Variants in RAB11FIP4 observed in about 807,000 individuals in gnomAD.
RAB11FIP4 encodes rab11 family-interacting protein 4.
In RAB11FIP4, 23 loss-of-function variants were observed where a neutral mutation model predicts 74.3. The observed-to-expected ratio is 0.31, with a 90% CI of 0.22 to 0.44. The LOEUF is 0.44. Ranked by LOEUF, RAB11FIP4 falls within the 20% of genes least tolerant of loss-of-function variation. The pLI is 1.00. For missense variants in RAB11FIP4, 630 were observed against 863.9 expected (o/e 0.73, Z 3.39); for synonymous variants, 360 against 359.9 (o/e 1.00, Z 0.00).
chr17:31,511,302 C>G (rs902826304), intron 3 of RAB11FIP4, among the ~76,000 whole-genome samples: 10 of 152,204 alleles, frequency 6.6e-5, no homozygotes, highest in African/African-American at 2.4e-4. Flanking sequence ...CCTCATGACA[C>G]AAGGCATTGT....
intron 1 of RAB11FIP4, among the ~76,000 whole-genome samples, chr17:31,419,515 G>C (rs2071178842): frequency 6.7e-6 from 1 of 150,288 alleles, no homozygotes; most frequent in South Asian, 2.1e-4. Context: ...CATTGCATCT[G>C]TGTTCATGAG....
intron 3 of RAB11FIP4, among the ~76,000 whole-genome samples, chr17:31,483,963 T>G (rs539218979): frequency 8.1e-4 from 123 of 152,104 alleles, no homozygotes; most frequent in African/African-American, 2.7e-3. Context: ...AATCCCAGCA[T>G]TTTGGGAAGC....
At chr17:31,401,731 C>T (rs898845204) in intron 1 of RAB11FIP4, among the ~76,000 whole-genome samples, 2 of 152,226 alleles carry the variant, frequency 1.3e-5, no homozygotes, top group Admixed American at 6.5e-5. Flanking sequence ...ACAGGATAGA[C>T]AGAGGATTGA....
At chr17:31,396,201 A>G (rs1457291083) in intron 1 of RAB11FIP4, among the ~76,000 whole-genome samples, 7 of 109,016 alleles carry the variant, frequency 6.4e-5, no homozygotes, top group African/African-American at 1.8e-4. Flanking sequence ...AAAAAAAGAA[A>G]AGAAAAGAAA....
intron 1 of RAB11FIP4, among the ~76,000 whole-genome samples, chr17:31,392,999 AG>A (rs112601827): frequency 0.016 from 2,479 of 152,330 alleles, 69 homozygotes; most frequent in African/African-American, 0.055. Flanking sequence ...AGGTCGGACC[AG>A]GCATTTCAGA....
At chr17:31,438,995 T>C (rs2151630591) in intron 3 of RAB11FIP4, among the ~76,000 whole-genome samples, 1 of 152,310 alleles carries the variant, frequency 6.6e-6, no homozygotes, top group South Asian at 2.1e-4. Context: ...GAAGCCTCCC[T>C]GACTCCTTCT....
intron 3 of RAB11FIP4, among the ~76,000 whole-genome samples, chr17:31,472,611 G>A (rs983604831): frequency 3.3e-5 from 5 of 152,208 alleles, no homozygotes; most frequent in Admixed American, 1.3e-4. Flanking sequence ...AGTCAGTAGC[G>A]CCCATGCTGA....
rs2072479717 is a variant in RAB11FIP4 at position 31,512,974 on chromosome 17, T to A, written c.337-4677T>A. 1.3e-5 allele frequency among the ~76,000 whole-genome samples: 2 copies of A among 151,948 alleles called. No individual in the cohort carries two copies. Among genetic ancestry groups the A allele is most frequent in the Non-Finnish European group, 2.9e-5 (2 of 67,952 alleles). ...AAACATGAGCTCTGGGGAGGCCCTG[T>A]CCCTGCCCCACCACTCCTGCCAGCC... On this transcript the variant is annotated intron_variant, in intron 3 of 14. Transcript: ENST00000621161. This position sits in a 1 kb window ranked among gnomAD's most constrained non-coding sequence, Gnocchi z 4.1.
chr17:31,414,272 G>A (rs774512307), intron 1 of RAB11FIP4, among the ~76,000 whole-genome samples: 18 of 152,190 alleles, frequency 1.2e-4, no homozygotes, highest in Admixed American at 2.0e-4. Context: ...TGCTATTCCC[G>A]AGGCTATTTT....
At chr17:31,520,769 G>A (rs2072649287) in intron 4 of RAB11FIP4, 1 of 152,316 alleles carries the variant, frequency 6.6e-6, no homozygotes, top group South Asian at 2.1e-4. Flanking sequence ...GCCTCCCAAA[G>A]TGCTGGGGTT....
intron 3 of RAB11FIP4, among the ~76,000 whole-genome samples, chr17:31,504,867 G>T (rs2072288061): frequency 6.6e-6 from 1 of 152,156 alleles, no homozygotes; most frequent in South Asian, 2.1e-4. Flanking sequence ...TTTGCAAAGT[G>T]TGGTCCTGGG....
At chr17:31,514,569 G>A (rs1013529295) in intron 3 of RAB11FIP4, among the ~76,000 whole-genome samples, 2 of 152,244 alleles carry the variant, frequency 1.3e-5, no homozygotes, top group African/African-American at 4.8e-5. Context: ...CTGCGGTGAA[G>A]TCCAGAAGAA....
intron 1 of RAB11FIP4, among the ~76,000 whole-genome samples, chr17:31,396,711 C>T (rs1409207264): frequency 6.6e-6 from 1 of 152,204 alleles, no homozygotes; most frequent in Non-Finnish European, 1.5e-5. Flanking sequence ...GAATGGTAGA[C>T]ATTGAAAGCA....
At chr17:31,477,417 G>A (rs148192697) in intron 3 of RAB11FIP4, among the ~76,000 whole-genome samples, 11 of 152,268 alleles carry the variant, frequency 7.2e-5, no homozygotes, top group Non-Finnish European at 1.3e-4. Context: ...GGTGCTCCCC[G>A]CCCACCCTCC....
Position 31,527,832 on chromosome 17 carries a change from C to T in RAB11FIP4, c.1275-10C>T. On this transcript the variant is annotated splice_polypyrimidine_tract_variant and intron_variant, in intron 10 of 14. Transcript: ENST00000621161. ...CAGGTTTCTGAGATTTGTCTTTCTC[C>T]TTTCGCCAGGGTGCAGCAGTTGGAG... The T allele has an allele frequency of 1.3e-6, 2 of 1,598,362 alleles. No homozygotes were observed. The highest frequency in any genetic ancestry group is 1.7e-6 in the Non-Finnish European group (2 of 1,172,524).
chr17:31,513,798 G>A (rs1365793273), intron 3 of RAB11FIP4, among the ~76,000 whole-genome samples: 1 of 152,204 alleles, frequency 6.6e-6, no homozygotes, highest in African/African-American at 2.4e-5. Flanking sequence ...GAGAGTGTGT[G>A]CGCATGTGTG....
chr17:31,476,465 G>T lies in RAB11FIP4; in HGVS notation c.337-41186G>T, dbSNP rs556010696. Reference sequence around the variant, plus strand: ...CTCCCAAAGTGCTGGGATTATAGGTGTGAGCCACCGTGCCTGGCCTCGTGT... The same window carrying T: ...CTCCCAAAGTGCTGGGATTATAGGTTTGAGCCACCGTGCCTGGCCTCGTGT... On this transcript the variant is annotated intron_variant, in intron 3 of 14. Transcript: ENST00000621161. Among the ~76,000 whole-genome samples, 29 of 152,310 alleles carry T rather than the reference G, an allele frequency of 1.9e-4. No individual in the cohort carries two copies. The South Asian group carries it at 5.8e-3, about 30-fold the overall frequency.
At chr17:31,413,865 A>T (rs1018413511) in intron 1 of RAB11FIP4, among the ~76,000 whole-genome samples, 1 of 152,210 alleles carries the variant, frequency 6.6e-6, no homozygotes, top group Non-Finnish European at 1.5e-5. Flanking sequence ...TTTTCCCCGA[A>T]GTTTAAAAAT....
At chr17:31,405,749 A>T (rs192529923) in intron 1 of RAB11FIP4, among the ~76,000 whole-genome samples, 3 of 152,350 alleles carry the variant, frequency 2.0e-5, no homozygotes, top group Admixed American at 2.0e-4. Context: ...TTTTCTTTAT[A>T]CTTAGTTTTA....
Sources: gnomAD v4.1 joint callset for allele counts (sites outside exome capture counted in the v4.1 genomes callset) on GRCh38, gnomAD v4.1.1 for gene constraint, Gnocchi (gnomAD v3.1) non-coding constraint, MANE v1.5 for transcripts, NCBI Gene and HGNC (gene_info 2026-07-23, HGNC 2026-07-21) for gene names.